The following ETFA variants were observed in gnomAD, a reference collection of about 807,000 sequenced individuals.
The protein encoded by ETFA is electron transfer flavoprotein subunit alpha, mitochondrial.
ETFA carries 22 observed loss-of-function variants against 46.2 expected under a neutral mutation model. The ratio of observed to expected loss-of-function variants is 0.48; its 90% confidence interval spans 0.34 to 0.68. The LOEUF (loss-of-function observed/expected upper bound fraction) is 0.68. Among genes scored for constraint, ETFA ranks in the 30% least tolerant of loss-of-function variants. The probability of loss-of-function intolerance (pLI) is 0.01; values close to 1 mark genes in which losing one functional copy is unlikely to be tolerated. For synonymous variants in ETFA, 131 were observed against 139.9 expected, an observed-to-expected ratio of 0.94 and a Z score of 0.45; for missense variants, 345 against 401.1, an observed-to-expected ratio of 0.86 and a Z score of 1.19.
chr15:76,257,158 T>C (rs888196626), intron 9 of ETFA, among the ~76,000 whole-genome samples: 13 of 152,174 alleles, frequency 8.5e-5, no homozygotes, highest in Non-Finnish European at 1.8e-4. Flanking sequence ...ACCCGCCCCA[T>C]GCATTCCAGA....
chr15:76,247,399 GCAGA>G (rs2039253546), intron 9 of ETFA, among the ~76,000 whole-genome samples: 1 of 152,162 alleles, frequency 6.6e-6, no homozygotes, highest in South Asian at 2.1e-4. Context: ...ATCTAAGACT[GCAGA>G]CAATGGTTCA....
intron 5 of ETFA, among the ~76,000 whole-genome samples, chr15:76,287,073 C>G (rs1184691467): frequency 6.6e-6 from 1 of 152,150 alleles, no homozygotes; most frequent in African/African-American, 2.4e-5. Flanking sequence ...CAACTTTAAT[C>G]AGGCAAAAAA....
intron 1 of ETFA, among the ~76,000 whole-genome samples, chr15:76,300,771 C>G (rs895934642): frequency 1.3e-5 from 2 of 152,108 alleles, no homozygotes; most frequent in African/African-American, 4.8e-5. Flanking sequence ...AACCATATAT[C>G]CCTCACTCCA....
chr15:76,273,053 T>A (rs2039554957), intron 9 of ETFA, among the ~76,000 whole-genome samples: 1 of 152,074 alleles, frequency 6.6e-6, no homozygotes, highest in Non-Finnish European at 1.5e-5. Context: ...GTATTAAGCA[T>A]AAGAAGAAAG....
rs934480011 is a variant in ETFA, at chr15:76,311,445, G to A, written c.-57C>T. ...CAGCAGCCCCGTGCCCGGCCAACTG[G>A]CGCCGCCTCAGCCAGTCACCTAATG... is the stretch of plus-strand genomic sequence containing the variant. On this transcript the variant is annotated 5_prime_UTR_variant, in exon 1 of 12. Coordinates refer to ENST00000557943, the MANE Select transcript of ETFA (RefSeq NM_000126.4). 1.5e-4 allele frequency: 224 copies of A among 1,540,728 alleles called. No homozygotes were observed. Among genetic ancestry groups the A allele is most frequent in the Non-Finnish European group, 1.9e-4 (223 of 1,144,190 alleles).
chr15:76,308,044 C>G (rs926226406), intron 1 of ETFA, among the ~76,000 whole-genome samples: 2 of 151,842 alleles, frequency 1.3e-5, no homozygotes, highest in Non-Finnish European at 2.9e-5. Flanking sequence ...TGAATGGGCC[C>G]CACTTTACAA....
chr15:76,301,027 G>A (rs188632778), intron 1 of ETFA, among the ~76,000 whole-genome samples: 35 of 152,212 alleles, frequency 2.3e-4, no homozygotes, highest in African/African-American at 7.7e-4. Flanking sequence ...CCACCATAAC[G>A]TCTCAGTACC....
intron 5 of ETFA, among the ~76,000 whole-genome samples, chr15:76,286,947 A>T (rs2039710060): frequency 6.6e-6 from 1 of 152,232 alleles, no homozygotes; most frequent in Non-Finnish European, 1.5e-5. Flanking sequence ...GATTTGAGAC[A>T]CTCTGGATTA....
Position 76,216,529 on chromosome 15 carries a change from A to G in ETFA, c.*30T>C. 7.3e-7 allele frequency: 1 copy of G among 1,361,306 alleles called. No individual in the cohort carries two copies. Among genetic ancestry groups the G allele is most frequent in the Non-Finnish European group, 1.1e-6 (1 of 949,896 alleles). 84.3% of individuals were successfully genotyped at this position (1,361,306 alleles called of 1,614,324 possible). A position where few individuals can be genotyped will look rare whatever the true frequency, so the allele number is the denominator to read the frequency against. On this transcript the variant is annotated 3_prime_UTR_variant, in exon 12 of 12. Coordinates refer to ENST00000557943, the MANE Select transcript of ETFA (RefSeq NM_000126.4). ...GTGATTTCAGTGGAATACTTTAACA[A>G]AAGTTTTCTTTTTAAGGCATGATCC...
chr15:76,283,209 T>C (rs2039672247), intron 8 of ETFA, among the ~76,000 whole-genome samples: 1 of 152,198 alleles, frequency 6.6e-6, no homozygotes, highest in Admixed American at 6.5e-5. Context: ...TTATTATTTT[T>C]GAGACAGGGT....
At chr15:76,217,692 A>G in intron 11 of ETFA, 1 of 441,356 alleles carries the variant, frequency 2.3e-6, no homozygotes, top group Non-Finnish European at 4.6e-6. Flanking sequence ...AGGGAATGTC[A>G]CACAGATACT....
rs766205309 is a variant in ETFA at position 76,285,714 on chromosome 15, A to G, written c.587T>C (p.Ile196Thr). Reference sequence around the variant, plus strand: ...TAATTTCTGGTCAAGCCACTCTGATATTTCCACTGGTGAAGTACTTGATGC... The same window carrying G: ...TAATTTCTGGTCAAGCCACTCTGATGTTTCCACTGGTGAAGTACTTGATGC... Reference protein sequence around the residue: ...EKASSTSPVEISEWLDQKLTK... With the variant: ...EKASSTSPVETSEWLDQKLTK... Residue 196 changes from isoleucine (I) to threonine (T), a missense_variant, in exon 7 of 12, where the codon ATA becomes ACA. Physicochemically the swap from Ile to Thr is moderately conservative, Grantham distance 89 (BLOSUM62 -1). Transcript: ENST00000557943. 1 of 1,610,142 alleles carries G rather than the reference A, an allele frequency of 6.2e-7. No individual in the cohort carries two copies. The highest frequency in any genetic ancestry group is 8.5e-7 in the Non-Finnish European group (1 of 1,176,422).
At chr15:76,266,172 G>C (rs529088576) in intron 9 of ETFA, among the ~76,000 whole-genome samples, 10 of 152,298 alleles carry the variant, frequency 6.6e-5, no homozygotes, top group Middle Eastern at 3.4e-3. Flanking sequence ...AACCAGGGCT[G>C]CCCTCCCCAA....
chr15:76,261,659 C>G (rs1321161365), intron 9 of ETFA: 1 of 376,286 alleles, frequency 2.7e-6, no homozygotes, highest in Non-Finnish European at 4.8e-6. Context: ...CAGCAGGAGC[C>G]CCAGCCGCCC....
intron 1 of ETFA, among the ~76,000 whole-genome samples, chr15:76,308,091 A>G (rs1358978687): frequency 6.6e-6 from 1 of 152,244 alleles, no homozygotes; most frequent in Non-Finnish European, 1.5e-5. Context: ...GAAATGTATT[A>G]TCCTAAATAA....
Position 76,295,696 on chromosome 15 carries a change from C to G in ETFA, c.81G>C (p.Glu27Asp), listed in dbSNP as rs772068605. ...LRFQSTLVIAEHANDSLAPIT... is the reference protein window; with the variant it reads ...LRFQSTLVIADHANDSLAPIT... ...TGGGTGCTAGGGAATCATTTGCATG[C>G]TCAGCTATTACCAGGGTACTCTGAA... Residue 27 changes from glutamate (E) to aspartate (D), a missense_variant, in exon 2 of 12, where the codon GAG (glutamate) becomes GAC (aspartate). Coordinates refer to ENST00000557943, the MANE Select transcript of ETFA (RefSeq NM_000126.4). 6.8e-6 allele frequency: 11 copies of G among 1,612,222 alleles called. No homozygotes were observed. The highest frequency in any genetic ancestry group is 9.3e-6 in the Non-Finnish European group (11 of 1,179,636).
chr15:76,258,990 C>T, intron 9 of ETFA: 1 of 1,603,138 alleles, frequency 6.2e-7, no homozygotes, highest in South Asian at 1.1e-5. Flanking sequence ...TGTGAGCTAA[C>T]AGCTATTGTG....
chr15:76,295,933 A>ATTTTTTTTTTTTTTTTTTTTTTTTTT (rs1555459250), intron 1 of ETFA, among the ~76,000 whole-genome samples, 196 bp from the exon 2 acceptor site: 3 of 58,506 alleles, frequency 5.1e-5, no homozygotes, highest in Admixed American at 2.3e-4. Flanking sequence ...TACCACTAAT[A>ATTTTTTTTTTTTTTTTTTTTTTTTTT]TTCTTTTTTT....
chr15:76,303,887 C>G (rs1337190452), intron 1 of ETFA, among the ~76,000 whole-genome samples: 3 of 152,194 alleles, frequency 2.0e-5, no homozygotes, highest in Non-Finnish European at 4.4e-5. Context: ...AGCAATGTGG[C>G]GATTTCTCAA....
Sources: allele counts gnomAD v4.1 joint callset (sites outside exome capture counted in the v4.1 genomes callset), GRCh38; gene constraint gnomAD v4.1.1; transcripts MANE v1.5; gene names NCBI Gene and HGNC (gene_info 2026-07-23, HGNC 2026-07-21).